The following L3HYPDH variants were observed in gnomAD, a reference collection of about 807,000 sequenced individuals.
L3HYPDH encodes trans-3-hydroxy-L-proline dehydratase.
L3HYPDH carries 32 observed loss-of-function variants against 26.5 expected under a neutral mutation model. That is an observed-to-expected ratio of 1.21 (90% CI 0.91 to 1.62). L3HYPDH has a LOEUF of 1.62. Among genes scored for constraint, L3HYPDH ranks in the 40% most tolerant of loss-of-function variants. The pLI, the probability that L3HYPDH is intolerant of heterozygous loss-of-function variation, is 0.00. For synonymous variants in L3HYPDH, 215 were observed against 196.6 expected (o/e 1.09, Z -0.78); for missense variants, 554 against 476.4 (o/e 1.16, Z -1.52).
chr14:59,496,937 G>A, the L3HYPDH span, among the ~76,000 whole-genome samples: 3 of 150,854 alleles, frequency 2.0e-5, no homozygotes, highest in East Asian at 5.8e-4. Context: ...AAATATAAAT[G>A]TATGGTCAGA....
At chr14:59,498,934 A>T in the L3HYPDH span, 4 of 1,382,044 alleles carry the variant, frequency 2.9e-6, no homozygotes, top group Non-Finnish European at 4.0e-6. Flanking sequence ...AAAGTCAATG[A>T]AATATATTTA....
chr14:59,494,564 A>G, the L3HYPDH span, among the ~76,000 whole-genome samples: 1 of 152,220 alleles, frequency 6.6e-6, no homozygotes, highest in Non-Finnish European at 1.5e-5. Flanking sequence ...TGGTAAAAGC[A>G]GTTTGGTACA....
intron 1 of L3HYPDH, chr14:59,483,543 G>A: frequency 7.2e-7 from 1 of 1,398,218 alleles, no homozygotes; most frequent in Non-Finnish European, 9.3e-7. Flanking sequence ...TGCAGAGGGA[G>A]GCGCTGAGTC....
the L3HYPDH span, among the ~76,000 whole-genome samples, chr14:59,493,088 A>G: frequency 0.017 from 2,596 of 152,178 alleles, 32 homozygotes; most frequent in South Asian, 0.038. Flanking sequence ...GTGAGCCACC[A>G]CGCCCAGCCA....
the L3HYPDH span, among the ~76,000 whole-genome samples, chr14:59,489,753 A>G: frequency 6.6e-6 from 1 of 152,174 alleles, no homozygotes; most frequent in Non-Finnish European, 1.5e-5. Flanking sequence ...CATGAAGCAT[A>G]GTACTGGCAT....
chr14:59,472,005 GGTGA>G (rs1307926004), downstream of L3HYPDH, among the ~76,000 whole-genome samples: 1 of 152,076 alleles, frequency 6.6e-6, no homozygotes, highest in Non-Finnish European at 1.5e-5. Context: ...AGACTCTCTG[GGTGA>G]TAAAGCCTGT....
intron 1 of L3HYPDH, among the ~76,000 whole-genome samples, chr14:59,479,655 G>A (rs1193700939): frequency 2.0e-5 from 3 of 152,152 alleles, no homozygotes; most frequent in Admixed American, 1.3e-4. Context: ...CCCTGAGGCC[G>A]AGAGAGGGAA....
chr14:59,485,389 T>A (rs1291385404), upstream of L3HYPDH: 5 of 345,064 alleles, frequency 1.4e-5, no homozygotes, highest in African/African-American at 2.1e-5. Flanking sequence ...AAAAGCTAAG[T>A]CCGAAATTTG....
chr14:59,486,766 T>C, upstream of L3HYPDH: 1 of 1,595,206 alleles, frequency 6.3e-7, no homozygotes, highest in Non-Finnish European at 8.6e-7. Flanking sequence ...GACCCTATTA[T>C]TTAAAAATGG....
intron 1 of L3HYPDH, among the ~76,000 whole-genome samples, chr14:59,465,518 C>A (rs992116131): frequency 1.3e-5 from 2 of 152,240 alleles, no homozygotes; most frequent in African/African-American, 4.8e-5. Flanking sequence ...TTCGGGTTTC[C>A]GAGAGTGCCA....
chr14:59,485,253 C>T (rs1890446297), upstream of L3HYPDH: 2 of 830,616 alleles, frequency 2.4e-6, no homozygotes, highest in African/African-American at 1.7e-5. Flanking sequence ...ACAGAAGTTT[C>T]CAATTCCTTA....
chr14:59,504,273 C>G, the L3HYPDH span: 2 of 578,338 alleles, frequency 3.5e-6, no homozygotes, highest in Non-Finnish European at 6.1e-6. Flanking sequence ...CTCTGTTACA[C>G]AGGGTAATAT....
Position 59,484,137 on chromosome 14 carries a change from G to A in L3HYPDH, c.180C>T (p.His60=), listed in dbSNP as rs781167553. The change falls in exon 1 of 5, where the codon CAC becomes CAT. Residue 60 remains histidine, a synonymous_variant. Transcript: ENST00000247194. ...KRRYMRQHLD[H]VRRRLMFEPR... is the part of the protein sequence containing the mutation. ...GCTCGAACATGAGCCGTCGCCGCAC[G>A]TGGTCAAGGTGCTGGCGCATGTAGC... is the stretch of plus-strand genomic sequence containing the variant. The A allele has an allele frequency of 2.5e-6, 4 of 1,601,876 alleles. No homozygotes were observed. Among genetic ancestry groups the A allele is most frequent in the Non-Finnish European group, 3.4e-6 (4 of 1,179,152 alleles).
the L3HYPDH span, among the ~76,000 whole-genome samples, chr14:59,492,040 C>G: frequency 6.6e-6 from 1 of 152,114 alleles, no homozygotes; most frequent in South Asian, 2.1e-4. Context: ...TAAAATAGCA[C>G]TAGGACTTAT....
chr14:59,498,638 C>CT, the L3HYPDH span: 1 of 758,990 alleles, frequency 1.3e-6, no homozygotes, highest in Non-Finnish European at 2.1e-6. Context: ...TTTTAAACCT[C>CT]TTTTAGGCTC....
intron 1 of L3HYPDH, among the ~76,000 whole-genome samples, chr14:59,466,622 G>A (rs1424525683): frequency 6.6e-6 from 1 of 152,150 alleles, no homozygotes; most frequent in Non-Finnish European, 1.5e-5. Flanking sequence ...TCTAAAGAAT[G>A]ACTAGTATAT....
At chr14:59,487,638 T>C (rs1399214981), upstream of L3HYPDH, 1 of 1,529,674 alleles carries the variant, frequency 6.5e-7, no homozygotes, top group Non-Finnish European at 9.0e-7. Context: ...TGTAAAATAA[T>C]ATCTGTACAC....
At chr14:59,482,806 T>G (rs1489874550) in intron 1 of L3HYPDH, among the ~76,000 whole-genome samples, 1 of 152,210 alleles carries the variant, frequency 6.6e-6, no homozygotes, top group Non-Finnish European at 1.5e-5. Flanking sequence ...AACAGATGAT[T>G]TGCATGGCTT....
intron 1 of L3HYPDH, among the ~76,000 whole-genome samples, chr14:59,479,909 A>C (rs1484520712): frequency 6.6e-6 from 1 of 152,240 alleles, no homozygotes; most frequent in African/African-American, 2.4e-5. Flanking sequence ...TTGTAGAATC[A>C]TTGACTGCTA....
Sources: gnomAD v4.1 joint callset for allele counts (sites outside exome capture counted in the v4.1 genomes callset) on GRCh38, gnomAD v4.1.1 for gene constraint, MANE v1.5 for transcripts, NCBI Gene and HGNC (gene_info 2026-07-23, HGNC 2026-07-21) for gene names.